Variants in MS4A5 observed in about 807,000 individuals in gnomAD.
MS4A5 encodes the protein membrane-spanning 4-domains subfamily A member 5.
In MS4A5, 15 loss-of-function variants were observed where a neutral mutation model predicts 18.2. That is an observed-to-expected ratio of 0.83 (90% CI 0.55 to 1.27). The LOEUF is 1.27. Among genes scored for constraint, MS4A5 ranks in the 50% most tolerant of loss-of-function variants. The pLI, the probability that MS4A5 is intolerant of heterozygous loss-of-function variation, is 0.00. For synonymous variants in MS4A5, 89 were observed against 78.7 expected (o/e 1.13, Z -0.69); for missense variants, 232 against 225.7 (o/e 1.03, Z -0.18).
At chr11:60,439,944 C>G (rs11230320) in intron 4 of MS4A5, among the ~76,000 whole-genome samples, 4 of 125,544 alleles carry the variant, frequency 3.2e-5, no homozygotes, top group Admixed American at 2.6e-4. Context: ...TCATATGGGA[C>G]CAAAAAAGAG....
chr11:60,447,299 C>CCTATGCTGTG (rs199688633), intron 4 of MS4A5, among the ~76,000 whole-genome samples: 1 of 96,360 alleles, frequency 1.0e-5, no homozygotes, highest in African/African-American at 3.7e-5. Context: ...GCTATGCTAT[C>CCTATGCTGTG]CTATGCTGTG....
intron 3 of MS4A5, among the ~76,000 whole-genome samples, chr11:60,432,859 C>T (rs986995205): frequency 6.6e-6 from 1 of 151,930 alleles, no homozygotes; most frequent in Non-Finnish European, 1.5e-5. Context: ...TTTATCCTGG[C>T]CTTGAAAAAA....
Position 60,447,775 on chromosome 11 carries a change from T to A in MS4A5, c.*16T>A. 7.1e-7 allele frequency: 1 copy of A among 1,411,924 alleles called. No homozygotes were observed. The highest frequency in any genetic ancestry group is 1.8e-4 in the Middle Eastern group (1 of 5,640). The allele number at this position is 1,411,924 out of a possible 1,614,324, so 87.5% of individuals were successfully genotyped here. On this transcript the variant is annotated 3_prime_UTR_variant, in exon 5 of 5. Transcript: ENST00000300190. Reference sequence around the variant, plus strand: ...ATGTTGTTGACTAGCACTGTGAGAATAAAGATGTGTTAAAATATTATGTAG... The same window carrying A: ...ATGTTGTTGACTAGCACTGTGAGAAAAAAGATGTGTTAAAATATTATGTAG...
chr11:60,446,978 A>G (rs1219796889), intron 4 of MS4A5, among the ~76,000 whole-genome samples: 1 of 151,926 alleles, frequency 6.6e-6, no homozygotes. Flanking sequence ...TCCTACATAT[A>G]TAAATCAAAA....
intron 4 of MS4A5, among the ~76,000 whole-genome samples, chr11:60,441,848 C>G (rs541811567): frequency 6.6e-6 from 1 of 151,992 alleles, no homozygotes; most frequent in South Asian, 2.1e-4. Context: ...TAGTAACAAA[C>G]AAATAGATTT....
chr11:60,442,351 G>A (rs1175526832), intron 4 of MS4A5, among the ~76,000 whole-genome samples: 1 of 152,122 alleles, frequency 6.6e-6, no homozygotes, highest in African/African-American at 2.4e-5. Context: ...GCACTTTTAA[G>A]AATACAATAG....
intron 1 of MS4A5, 86 bp downstream of exon 1, chr11:60,429,913 G>A (rs916510049): frequency 4.7e-6 from 6 of 1,282,620 alleles, no homozygotes; most frequent in African/African-American, 3.0e-5. Flanking sequence ...TTGAAGGTAG[G>A]AGCCTATTCC....
At chr11:60,435,838 G>A (rs4636687) in intron 4 of MS4A5, among the ~76,000 whole-genome samples, 82 of 151,768 alleles carry the variant, frequency 5.4e-4, no homozygotes, top group East Asian at 9.7e-4. Flanking sequence ...ACTGCAAGGC[G>A]GCAGCAAGGC....
intron 4 of MS4A5, among the ~76,000 whole-genome samples, chr11:60,437,584 C>A (rs1195971155): frequency 4.0e-5 from 6 of 151,786 alleles, no homozygotes; most frequent in Non-Finnish European, 8.8e-5. Flanking sequence ...GAAGTTCTAC[C>A]AAGCAAATGG....
chr11:60,434,023 CT>C, intron 4 of MS4A5, 106 bp downstream of exon 4: 1 of 957,054 alleles, frequency 1.0e-6, no homozygotes, highest in Non-Finnish European at 1.6e-6. Flanking sequence ...CATGTATTTT[CT>C]TTTACTGACA....
chr11:60,430,813 T>G lies in MS4A5; in HGVS notation c.171T>G (p.Phe57Leu), dbSNP rs772340985. 6 of 1,613,052 alleles carry G rather than the reference T, an allele frequency of 3.7e-6. No individual in the cohort carries two copies. In the South Asian group the frequency reaches 5.5e-5, roughly 15 times the overall value. Residue 57 changes from phenylalanine (F) to leucine (L), a missense_variant, in exon 2 of 5, where the codon TTT becomes TTG. By Grantham distance (22) the Phe-to-Leu change is conservative. Coordinates refer to ENST00000300190, the MANE Select transcript of MS4A5 (RefSeq NM_023945.3). ...MKILGTIQILFGIMTFSFGVI... is the reference protein window; with the variant it reads ...MKILGTIQILLGIMTFSFGVI... ...ATTTGCAGACTATCCAGATCCTGTT[T>G]GGAATTATGACCTTTTCTTTTGGAG...
intron 4 of MS4A5, among the ~76,000 whole-genome samples, chr11:60,435,988 C>T (rs1331341032): frequency 6.6e-6 from 1 of 152,178 alleles, no homozygotes; most frequent in Non-Finnish European, 1.5e-5. Context: ...AGGGCACAGA[C>T]AAACAAAAAG....
intron 4 of MS4A5, 116 bp downstream of exon 4, chr11:60,434,033 C>A: frequency 1.1e-6 from 1 of 914,284 alleles, no homozygotes; most frequent in Non-Finnish European, 1.7e-6. Flanking sequence ...CTTTTACTGA[C>A]AAACATTTAT....
At chr11:60,447,438 T>C (rs2086147322) in intron 4 of MS4A5, among the ~76,000 whole-genome samples, 1 of 152,268 alleles carries the variant, frequency 6.6e-6, no homozygotes, top group Non-Finnish European at 1.5e-5. Context: ...TGCTATGCTA[T>C]GCTATCCTAT....
rs1037975199 is a variant in MS4A5 at position 60,431,057 on chromosome 11, T to G, written c.282+133T>G. The stretch of plus-strand genomic sequence containing the variant: ...TGCAAAAAACTAACCTTGTTGAAAT[T>G]ATTTCCCCATTAGTTCATCACAGTC... On this transcript the variant is annotated intron_variant, in intron 2 of 4. Transcript: ENST00000300190. 3.3e-6 allele frequency: 3 copies of G among 900,606 alleles called. No homozygotes were observed. The South Asian group carries it at 5.4e-5, about 16-fold the overall frequency. 55.8% of individuals were successfully genotyped at this position (900,606 alleles called of 1,614,324 possible).
intron 4 of MS4A5, 62 bp downstream of exon 4, chr11:60,433,979 C>T: frequency 7.1e-7 from 1 of 1,409,238 alleles, no homozygotes; most frequent in Non-Finnish European, 9.9e-7. Context: ...TTTATTAGCA[C>T]TCAATCAGCA....
At chr11:60,441,625 G>GAAAA (rs34742673) in intron 4 of MS4A5, among the ~76,000 whole-genome samples, 1 of 138,940 alleles carries the variant, frequency 7.2e-6, no homozygotes, top group African/African-American at 2.7e-5. Context: ...GTCAAGACTT[G>GAAAA]AAAAAAAAAA....
intron 4 of MS4A5, among the ~76,000 whole-genome samples, chr11:60,441,776 C>A (rs2086114497): frequency 6.6e-6 from 1 of 151,676 alleles, no homozygotes; most frequent in Non-Finnish European, 1.5e-5. Flanking sequence ...AAGATGGTCC[C>A]AGTAAATAAG....
chr11:60,435,735 A>G (rs2086076072), intron 4 of MS4A5, among the ~76,000 whole-genome samples: 1 of 152,108 alleles, frequency 6.6e-6, no homozygotes, highest in African/African-American at 2.4e-5. Context: ...GGCTTAAAAA[A>G]CGGCGCACCA....
Sources: gnomAD v4.1 joint callset for allele counts (sites outside exome capture counted in the v4.1 genomes callset) on GRCh38, gnomAD v4.1.1 for gene constraint, MANE v1.5 for transcripts, NCBI Gene and HGNC (gene_info 2026-07-23, HGNC 2026-07-21) for gene names.